ATG4B: variants seen among roughly 807,000 people sequenced by gnomAD.
ATG4B encodes the protein autophagy related 4B cysteine peptidase, also known as cysteine protease ATG4B.
ATG4B carries 29 observed loss-of-function variants against 56.6 expected under a neutral mutation model. The ratio of observed to expected loss-of-function variants is 0.51; its 90% CI spans 0.38 to 0.70. The LOEUF is 0.70. Among genes scored for constraint, ATG4B ranks in the 30% least tolerant of loss-of-function variants. The pLI is 0.00. For missense variants in ATG4B, 461 were observed against 515.5 expected (o/e 0.89, Z 1.02); for synonymous variants, 224 against 206.1 (o/e 1.09, Z -0.74).
chr2:241,668,032 C>T lies in ATG4B; in HGVS notation c.733-111C>T, dbSNP rs1559271434. 6 of 1,027,566 alleles carry T rather than the reference C, an allele frequency of 5.8e-6. No individual in the cohort carries two copies. The South Asian group carries it at 6.1e-5, about 10-fold the overall frequency. 63.7% of individuals were successfully genotyped at this position (1,027,566 alleles called of 1,614,324 possible). A position where few individuals can be genotyped will look rare whatever the true frequency, so the allele number is the denominator to read the frequency against. On this transcript the variant is annotated intron_variant, in intron 8 of 12. Coordinates refer to ENST00000404914, the MANE Select transcript of ATG4B (RefSeq NM_013325.5). The surrounding 1 kb of genome is among the most constrained non-coding windows in gnomAD (Gnocchi z 4.2). ...GGTACCATGTCCCCTCCTGTCCCCT[C>T]TTGTGTCACCCAGTTGGGCCTCAGC...
intron 7 of ATG4B, among the ~76,000 whole-genome samples, chr2:241,662,567 C>T (rs1310662202): frequency 2.0e-5 from 3 of 152,228 alleles, no homozygotes; most frequent in Admixed American, 6.5e-5. Flanking sequence ...CAGTGCTGGG[C>T]TCTGGAGGCA....
intron 1 of ATG4B, among the ~76,000 whole-genome samples, chr2:241,643,559 G>A (rs1376635743): frequency 1.4e-5 from 2 of 145,494 alleles, no homozygotes; most frequent in East Asian, 2.0e-4. Flanking sequence ...TCTAGAGATG[G>A]GTCTATATAT....
chr2:241,672,356 T>A lies in ATG4B; in HGVS notation c.*92T>A. 8.3e-7 allele frequency: 1 copy of A among 1,198,136 alleles called. No homozygotes were observed. Among genetic ancestry groups the A allele is most frequent in the Non-Finnish European group, 1.2e-6 (1 of 839,410 alleles). 74.2% of individuals were successfully genotyped at this position (1,198,136 alleles called of 1,614,324 possible). A position where few individuals can be genotyped will look rare whatever the true frequency, so the allele number is the denominator to read the frequency against. On this transcript the variant is annotated 3_prime_UTR_variant, in exon 13 of 13. Coordinates refer to ENST00000404914, the MANE Select transcript of ATG4B (RefSeq NM_013325.5). ...TCCCGCCCGCTCGCCTGCCGAGGGC[T>A]GCGCCCCGTGCTGCCTCCCCCCAGA... is the stretch of plus-strand genomic sequence containing the variant.
intron 1 of ATG4B, among the ~76,000 whole-genome samples, chr2:241,644,100 A>G (rs1331949146): frequency 6.6e-6 from 1 of 151,964 alleles, no homozygotes; most frequent in African/African-American, 2.4e-5. Context: ...TAGTCCCAGC[A>G]CTTTGGGAGG....
Position 241,666,867 on chromosome 2 carries a change from G to A in ATG4B, c.732+29G>A, listed in dbSNP as rs758109088. 2.0e-6 allele frequency: 3 copies of A among 1,537,324 alleles called. No individual in the cohort carries two copies. In the Admixed American group the frequency reaches 5.9e-5, roughly 30 times the overall value. ...GGTCCTGCCGTGCGGCGCTTGCCCT[G>A]AGTCCCCGTCCCCTTCTCCCAGTTC... On this transcript the variant is annotated intron_variant, in intron 8 of 12. Transcript: ENST00000404914.
chr2:241,637,791 C>T, intron 1 of ATG4B, 67 bp downstream of exon 1: 1 of 1,426,500 alleles, frequency 7.0e-7, no homozygotes, highest in Non-Finnish European at 9.2e-7. Context: ...CTCCCCTGCT[C>T]GGGTCGGGCT....
chr2:241,653,836 A>T (rs1166555743), intron 4 of ATG4B, among the ~76,000 whole-genome samples: 1 of 152,170 alleles, frequency 6.6e-6, no homozygotes, highest in Non-Finnish European at 1.5e-5. Flanking sequence ...CACAAAAAAT[A>T]CAAAAATTAG....
chr2:241,666,547 C>G, intron 7 of ATG4B, 98 bp from the exon 8 acceptor site: 1 of 1,271,450 alleles, frequency 7.9e-7, no homozygotes, highest in East Asian at 2.5e-5. Flanking sequence ...GGCTTTGTAC[C>G]GCCCTTTTTC....
Position 241,668,706 on chromosome 2 carries a change from C to T in ATG4B, c.957+21C>T, listed in dbSNP as rs1203073608. 1 of 1,559,006 alleles carries T rather than the reference C, an allele frequency of 6.4e-7. No individual in the cohort carries two copies. The highest frequency in any genetic ancestry group is 8.7e-7 in the Non-Finnish European group (1 of 1,154,570). Reference sequence around the variant, plus strand: ...CTGTGGTACGTGGCGGCCACCTGAGCACACAGGCATTTGGTGCTGAATGCT... The same window carrying T: ...CTGTGGTACGTGGCGGCCACCTGAGTACACAGGCATTTGGTGCTGAATGCT... On this transcript the variant is annotated intron_variant, in intron 10 of 12. Coordinates refer to ENST00000404914, the MANE Select transcript of ATG4B (RefSeq NM_013325.5). The surrounding 1 kb of genome is among the most constrained non-coding windows in gnomAD (Gnocchi z 4.2).
chr2:241,658,760 A>C (rs775918552), intron 6 of ATG4B, among the ~76,000 whole-genome samples: 6 of 152,232 alleles, frequency 3.9e-5, no homozygotes, highest in African/African-American at 7.2e-5. Flanking sequence ...GCCTGCCTCA[A>C]AGTTGGCAAA....
chr2:241,637,992 C>T (rs2067730486), intron 1 of ATG4B, among the ~76,000 whole-genome samples: 1 of 151,600 alleles, frequency 6.6e-6, no homozygotes, highest in South Asian at 2.1e-4. Context: ...CCGGAGCGCT[C>T]CGGAGGTTGT....
chr2:241,643,785 A>G (rs2067983724), intron 1 of ATG4B, among the ~76,000 whole-genome samples: 1 of 147,022 alleles, frequency 6.8e-6, no homozygotes, highest in Non-Finnish European at 1.5e-5. Flanking sequence ...CTGGTCTTGA[A>G]CCCTTGACCT....
Position 241,651,399 on chromosome 2 carries a change from G to C in ATG4B, c.184+64G>C. ...GTTTTTAGGAAGGAGGAAAACTTAC[G>C]CTTGTAGATTTGACTTCAATATGCC... On this transcript the variant is annotated intron_variant, in intron 3 of 12. Transcript: ENST00000404914. The surrounding 1 kb of genome is among the most constrained non-coding windows in gnomAD (Gnocchi z 4.1). The C allele has an allele frequency of 3.1e-6, 4 of 1,296,468 alleles. No homozygotes were observed. Among genetic ancestry groups the C allele is most frequent in the Non-Finnish European group, 4.3e-6 (4 of 927,888 alleles). The allele number at this position is 1,296,468 out of a possible 1,614,324, so 80.3% of individuals were successfully genotyped here. A position where few individuals can be genotyped will look rare whatever the true frequency, so the allele number is the denominator to read the frequency against.
At chr2:241,649,972 C>T (rs1356430014) in intron 1 of ATG4B, among the ~76,000 whole-genome samples, 2 of 151,994 alleles carry the variant, frequency 1.3e-5, no homozygotes, top group Admixed American at 6.6e-5. Context: ...TTAGTAGAGA[C>T]GGAGTTTCAC....
chr2:241,652,154 A>G (rs1208310133), intron 3 of ATG4B: 1 of 342,468 alleles, frequency 2.9e-6, no homozygotes, highest in Non-Finnish European at 5.8e-6. Context: ...TTGATATTTA[A>G]TGATACACCT....
chr2:241,655,119 C>T (rs1427484437), intron 5 of ATG4B, 152 bp from the exon 6 acceptor site: 2 of 696,796 alleles, frequency 2.9e-6, no homozygotes, highest in Non-Finnish European at 5.0e-6. Flanking sequence ...CCCCCTCATG[C>T]CTCCCCCGAT....
At position 241,668,734 on chromosome 2, in the gene ATG4B, T is replaced by G; in HGVS notation, c.957+49T>G. 1 of 1,527,738 alleles carries G rather than the reference T, an allele frequency of 6.5e-7. No individual in the cohort carries two copies. Among genetic ancestry groups the G allele is most frequent in the Non-Finnish European group, 8.7e-7 (1 of 1,143,830 alleles). 94.6% of individuals were successfully genotyped at this position (1,527,738 alleles called of 1,614,324 possible). A position where few individuals can be genotyped will look rare whatever the true frequency, so the allele number is the denominator to read the frequency against. Reference sequence around the variant, plus strand: ...ACAGGCATTTGGTGCTGAATGCTGTTTGGGAATGACGAGGAAAACTTTCGG... The same window carrying G: ...ACAGGCATTTGGTGCTGAATGCTGTGTGGGAATGACGAGGAAAACTTTCGG... On this transcript the variant is annotated intron_variant, in intron 10 of 12. Transcript: ENST00000404914. This position sits in a 1 kb window ranked among gnomAD's most constrained non-coding sequence, Gnocchi z 4.2.
intron 6 of ATG4B, among the ~76,000 whole-genome samples, chr2:241,657,803 C>A (rs1216740858): frequency 6.6e-6 from 1 of 152,204 alleles, no homozygotes; most frequent in Non-Finnish European, 1.5e-5. Flanking sequence ...ACAGCAGAGC[C>A]ATCTGCATAA....
Position 241,668,081 on chromosome 2 carries a change from G to C in ATG4B, c.733-62G>C. On this transcript the variant is annotated intron_variant, in intron 8 of 12. Coordinates refer to ENST00000404914, the MANE Select transcript of ATG4B (RefSeq NM_013325.5). This position sits in a 1 kb window ranked among gnomAD's most constrained non-coding sequence, Gnocchi z 4.2. ...GCAGGCCCTTGGGCCCCCTATGGCA[G>C]TGGGTGGGGGGACCGTCTGCTCCCA... is the stretch of plus-strand genomic sequence containing the variant. 1 of 1,521,614 alleles carries C rather than the reference G, an allele frequency of 6.6e-7. No homozygotes were observed. The highest frequency in any genetic ancestry group is 1.2e-5 in the South Asian group (1 of 82,886). The allele number at this position is 1,521,614 out of a possible 1,614,324, so 94.3% of individuals were successfully genotyped here. A position where few individuals can be genotyped will look rare whatever the true frequency, so the allele number is the denominator to read the frequency against.
Sources: gnomAD v4.1 joint callset for allele counts (sites outside exome capture counted in the v4.1 genomes callset) on GRCh38, gnomAD v4.1.1 for gene constraint, Gnocchi (gnomAD v3.1) non-coding constraint, MANE v1.5 for transcripts, NCBI Gene and HGNC (gene_info 2026-07-23, HGNC 2026-07-21) for gene names.